The following ZNF805 variants were observed in gnomAD, a reference collection of about 807,000 sequenced individuals.
The protein encoded by ZNF805 is zinc finger protein 805.
Under a neutral mutation model 13.6 loss-of-function variants are expected in ZNF805, and 7 were observed. The observed-to-expected ratio is 0.51, with a 90% CI of 0.29 to 0.97. ZNF805 has a LOEUF of 0.97. ZNF805 is among the 50% of genes least tolerant of loss of function. The pLI, the probability that ZNF805 is intolerant of heterozygous loss-of-function variation, is 0.08. For missense variants in ZNF805, 604 were observed against 771.0 expected (o/e 0.78, Z 2.57); for synonymous variants, 293 against 279.8 (o/e 1.05, Z -0.47).
chr19:57,250,473 C>G (rs1325733698), intron 3 of ZNF805, among the ~76,000 whole-genome samples: 2 of 152,204 alleles, frequency 1.3e-5, no homozygotes, highest in East Asian at 3.9e-4. Context: ...CTCAGGTGAT[C>G]TGCCCGCCTC....
At position 57,253,249 on chromosome 19, in the gene ZNF805, G is replaced by T; in HGVS notation, c.430G>T (p.Asp144Tyr). 1 of 1,557,314 alleles carries T rather than the reference G, an allele frequency of 6.4e-7. No individual in the cohort carries two copies. The change falls in exon 4 of 4, where the codon GAT becomes TAT. Residue 144 changes from aspartate to tyrosine, a missense_variant. Physicochemically the swap from Asp to Tyr is radical, Grantham distance 160 (BLOSUM62 -3). This residue lies in a region of ZNF805 where 327 missense variants were observed against 378.2 expected (regional missense o/e 0.86). Coordinates refer to ENST00000414468, the MANE Select transcript of ZNF805 (RefSeq NM_001023563.4). This position sits in a 1 kb window ranked among gnomAD's most constrained non-coding sequence, Gnocchi z 4.4. ...GGGAGAACGCTTGAGACCAGGGTTA[G>T]ATTCCCAAAAGGAGAAGCTTCCTGG... ...MQGERLRPGL[D>Y]SQKEKLPGKM... is the part of the protein sequence containing the mutation.
intron 1 of ZNF805, among the ~76,000 whole-genome samples, chr19:57,241,838 G>A (rs2087581872): frequency 2.0e-5 from 3 of 152,192 alleles, no homozygotes; most frequent in South Asian, 4.1e-4. Flanking sequence ...CTGCTCAAAT[G>A]TCACTTCTTT....
At position 57,254,109 on chromosome 19, in the gene ZNF805, T is replaced by C; in HGVS notation, c.1290T>C (p.Ser430=). ...IHTGEKPYVC[S]ECGKAFTHCS... is the part of the protein sequence containing the mutation. ...CTGGGGAGAAGCCATATGTGTGTAG[T>C]GAATGCGGAAAGGCCTTCACCCACT... Residue 430 remains serine, a synonymous_variant, in exon 4 of 4, where the codon AGT becomes AGC. Coordinates refer to ENST00000414468, the MANE Select transcript of ZNF805 (RefSeq NM_001023563.4). The C allele has an allele frequency of 6.2e-7, 1 of 1,612,486 alleles. No homozygotes were observed.
rs547356207 is a variant in ZNF805 at position 57,242,954 on chromosome 19, C to T, written c.31-969C>T. On this transcript the variant is annotated intron_variant, in intron 1 of 3. Coordinates refer to ENST00000414468, the MANE Select transcript of ZNF805 (RefSeq NM_001023563.4). ...TGTAAAACTCTGGCTGAACTTGGTG[C>T]TCACACCTGTAGCCCCAGTGCTGTG... is the stretch of plus-strand genomic sequence containing the variant. Among the ~76,000 whole-genome samples the T allele has an allele frequency of 3.9e-5, 6 of 152,298 alleles. No homozygotes were observed. In the South Asian group the frequency reaches 1.0e-3, roughly 26 times the overall value.
chr19:57,246,245 C>T (rs989480638), intron 2 of ZNF805, among the ~76,000 whole-genome samples: 3 of 152,166 alleles, frequency 2.0e-5, no homozygotes, highest in Admixed American at 6.5e-5. Flanking sequence ...TTGATCTTGG[C>T]TCACTGCAAC....
At position 57,240,790 on chromosome 19, in the gene ZNF805, G is replaced by T. The variant is rs1417343633; in HGVS notation, c.-102G>T. The T allele has an allele frequency of 8.5e-7, 1 of 1,177,920 alleles. No individual in the cohort carries two copies. The highest frequency in any genetic ancestry group is 1.2e-6 in the Non-Finnish European group (1 of 848,470). 73.0% of individuals were successfully genotyped at this position (1,177,920 alleles called of 1,614,324 possible). On this transcript the variant is annotated 5_prime_UTR_variant, in exon 1 of 4. Transcript: ENST00000414468. ...CGAGAGAGTTTGACTGTCAGCCAAG[G>T]TCACCGGGCCCGGCGCAGGGAAGGG...
At position 57,262,724 on chromosome 19, in the gene ZNF805, G is replaced by C. The variant is rs1032177366; in HGVS notation, c.*8021G>C. ...GAGATTAAAGAATATGTTGTTGCAG[G>C]CTTAGTCACTTTGATGGATCTGTCT... On this transcript the variant is annotated 3_prime_UTR_variant, in exon 4 of 4. Transcript: ENST00000414468. 1 of 167,148 alleles carries C rather than the reference G, an allele frequency of 6.0e-6. No individual in the cohort carries two copies. The highest frequency in any genetic ancestry group is 2.4e-5 in the African/African-American group (1 of 41,428). 10.4% of individuals were successfully genotyped at this position (167,148 alleles called of 1,614,324 possible). A position where few individuals can be genotyped will look rare whatever the true frequency, so the allele number is the denominator to read the frequency against.
At chr19:57,242,460 T>C (rs1265911450) in intron 1 of ZNF805, among the ~76,000 whole-genome samples, 1 of 152,184 alleles carries the variant, frequency 6.6e-6, no homozygotes, top group Non-Finnish European at 1.5e-5. Flanking sequence ...CTGTGGTCTT[T>C]TGTTGGATGT....
chr19:57,242,575 G>A (rs1018874456), intron 1 of ZNF805, among the ~76,000 whole-genome samples: 1 of 152,216 alleles, frequency 6.6e-6, no homozygotes, highest in African/African-American at 2.4e-5. Context: ...TGGTCCTGAA[G>A]CACACTGGCC....
rs759845848 is a variant in ZNF805, at chr19:57,240,868, C to G, written c.-24C>G. ...CGCCCTGCTCGCCGCAGCCCCCGCC[C>G]CGCTAGGGCCACAGGGTCCCGGTAT... On this transcript the variant is annotated 5_prime_UTR_variant, in exon 1 of 4. Coordinates refer to ENST00000414468, the MANE Select transcript of ZNF805 (RefSeq NM_001023563.4). 1 of 1,548,908 alleles carries G rather than the reference C, an allele frequency of 6.5e-7. No homozygotes were observed. The highest frequency in any genetic ancestry group is 1.2e-5 in the South Asian group (1 of 83,818).
intron 2 of ZNF805, among the ~76,000 whole-genome samples, chr19:57,247,258 T>C (rs1230853924): frequency 1.3e-5 from 2 of 152,212 alleles, no homozygotes; most frequent in Non-Finnish European, 2.9e-5. Context: ...CGTGAAATGC[T>C]GGGGTCTGGA....
chr19:57,250,837 G>A (rs888365035), intron 3 of ZNF805, among the ~76,000 whole-genome samples: 1 of 152,202 alleles, frequency 6.6e-6, no homozygotes, highest in Non-Finnish European at 1.5e-5. Flanking sequence ...GGTGGAAGAG[G>A]TCTTACCCTT....
Position 57,261,274 on chromosome 19 carries a change from C to A in ZNF805, c.*6571C>A, listed in dbSNP as rs1203535412. On this transcript the variant is annotated 3_prime_UTR_variant, in exon 4 of 4. Coordinates refer to ENST00000414468, the MANE Select transcript of ZNF805 (RefSeq NM_001023563.4). ...ACTCACTCTTTAATGCCTGCATAAG[C>A]TATTGTGACTGTAGAAAAGACGGAG... 1 of 166,792 alleles carries A rather than the reference C, an allele frequency of 6.0e-6. No individual in the cohort carries two copies. The highest frequency in any genetic ancestry group is 1.5e-5 in the Non-Finnish European group (1 of 68,110). The allele number at this position is 166,792 out of a possible 1,614,324, so 10.3% of individuals were successfully genotyped here. A position where few individuals can be genotyped will look rare whatever the true frequency, so the allele number is the denominator to read the frequency against.
chr19:57,262,366 CAG>C lies in ZNF805; in HGVS notation c.*7666_*7667del, dbSNP rs944170618. On this transcript the variant is annotated 3_prime_UTR_variant, in exon 4 of 4. Transcript: ENST00000414468. ...TGTAACCAAGAAAAAAAAAAAAAGTCAGAGTCACAGTGAAAATACTTAACAAA... is the reference window on the plus strand; with the variant it reads ...TGTAACCAAGAAAAAAAAAAAAAGTCAGTCACAGTGAAAATACTTAACAAA... The C allele has an allele frequency of 1.3e-5, 2 of 154,830 alleles. No individual in the cohort carries two copies. Among genetic ancestry groups the C allele is most frequent in the African/African-American group, 2.5e-5 (1 of 39,336 alleles). The allele number at this position is 154,830 out of a possible 1,614,324, so 9.6% of individuals were successfully genotyped here.
chr19:57,240,651 C>T lies in ZNF805; in HGVS notation c.-241C>T. On this transcript the variant is annotated 5_prime_UTR_variant, in exon 1 of 4. Coordinates refer to ENST00000414468, the MANE Select transcript of ZNF805 (RefSeq NM_001023563.4). The stretch of plus-strand genomic sequence containing the variant: ...AGCGACGGTTCCGTCCACGCCGGCT[C>T]TAGGGAGGGGGCGGTGTTCCGTGGC... The T allele has an allele frequency of 2.0e-6, 1 of 506,404 alleles. No individual in the cohort carries two copies. Among genetic ancestry groups the T allele is most frequent in the Middle Eastern group, 3.1e-4 (1 of 3,176 alleles). 31.4% of individuals were successfully genotyped at this position (506,404 alleles called of 1,614,324 possible). A position where few individuals can be genotyped will look rare whatever the true frequency, so the allele number is the denominator to read the frequency against.
At chr19:57,247,365 G>A (rs1392406804) in intron 2 of ZNF805, among the ~76,000 whole-genome samples, 2 of 152,062 alleles carry the variant, frequency 1.3e-5, no homozygotes, top group Admixed American at 6.6e-5. Flanking sequence ...ACCCACTCTG[G>A]TGCTCGTGGT....
At chr19:57,252,964 A>G (rs1218613712) in intron 3 of ZNF805, 109 bp from the exon 4 acceptor site, 2 of 991,168 alleles carry the variant, frequency 2.0e-6, no homozygotes, top group Non-Finnish European at 2.7e-6. Context: ...AAAATATAAC[A>G]GACATAAAGG....
At chr19:57,246,964 T>C (rs2087622990) in intron 2 of ZNF805, among the ~76,000 whole-genome samples, 1 of 151,968 alleles carries the variant, frequency 6.6e-6, no homozygotes, top group Admixed American at 6.6e-5. Flanking sequence ...TCAGCACAGA[T>C]GAAACACCTT....
In ZNF805 at chr19:57,253,946, G is replaced by C; in HGVS notation, c.1127G>C (p.Cys376Ser). The change falls in exon 4 of 4, where the codon TGT becomes TCT. Residue 376 changes from cysteine (C) to serine (S), a missense_variant. Physicochemically the swap from Cys to Ser is moderately radical, Grantham distance 112 (BLOSUM62 -1). This residue lies in a region of ZNF805 where 228 missense variants were observed against 352.8 expected (regional missense o/e 0.65). Transcript: ENST00000414468. The surrounding 1 kb of genome is among the most constrained non-coding windows in gnomAD (Gnocchi z 4.4). The stretch of plus-strand genomic sequence containing the variant: ...GAGAAGCCCTATGAGTGCAGTGAAT[G>C]TGGGAAGGCCTTCTGTGAGAGCGCA... ...TGEKPYECSECGKAFCESAAL... is the reference protein window; with the variant it reads ...TGEKPYECSESGKAFCESAAL... 6.2e-7 allele frequency: 1 copy of C among 1,614,154 alleles called. No individual in the cohort carries two copies. The highest frequency in any genetic ancestry group is 8.5e-7 in the Non-Finnish European group (1 of 1,180,030).
Sources: allele counts gnomAD v4.1 joint callset (sites outside exome capture counted in the v4.1 genomes callset), GRCh38; gene constraint gnomAD v4.1.1; regional missense constraint gnomAD v4.1.1; non-coding constraint Gnocchi (gnomAD v3.1); transcripts MANE v1.5; gene names NCBI Gene and HGNC (gene_info 2026-07-23, HGNC 2026-07-21).